Variants in TGM4 observed in about 807,000 individuals in gnomAD.
TGM4 encodes protein-glutamine gamma-glutamyltransferase 4.
TGM4 carries 61 observed loss-of-function variants against 76.3 expected under a neutral mutation model. That is an observed-to-expected ratio of 0.80 (90% confidence interval 0.65 to 0.99). The LOEUF is 0.99. Among genes scored for constraint, TGM4 ranks in the 50% least tolerant of loss-of-function variants. The probability of loss-of-function intolerance (pLI) is 0.00; values close to 1 mark genes in which losing one functional copy is unlikely to be tolerated. For synonymous variants in TGM4, 337 were observed against 329.8 expected (o/e 1.02, Z -0.24); for missense variants, 794 against 843.2 (o/e 0.94, Z 0.72).
In TGM4 at chr3:44,877,586, T is replaced by C. The variant is rs1341809170; in HGVS notation, c.19+2889T>C. Among the ~76,000 whole-genome samples the C allele has an allele frequency of 4.0e-5, 6 of 151,626 alleles. No individual in the cohort carries two copies. The East Asian group carries it at 1.2e-3, about 29-fold the overall frequency. ...CAGCCTGGGTGACAGGCCAAGACTC[T>C]GTCTCTTAAAAAAAAAAAAGGTTAT... On this transcript the variant is annotated intron_variant, in intron 1 of 13. Transcript: ENST00000296125.
chr3:44,882,478 C>T (rs1699547558), intron 1 of TGM4, among the ~76,000 whole-genome samples: 1 of 152,302 alleles, frequency 6.6e-6, no homozygotes, highest in Non-Finnish European at 1.5e-5. Flanking sequence ...GATAGACATC[C>T]AAAATCAAAA....
intron 13 of TGM4, among the ~76,000 whole-genome samples, chr3:44,911,616 G>T (rs1700007097): frequency 1.3e-5 from 2 of 152,156 alleles, no homozygotes; most frequent in Non-Finnish European, 2.9e-5. Flanking sequence ...TAGTGGTTAA[G>T]TAATCTCATT....
rs569481258 is a variant in TGM4, at chr3:44,878,768, C to T, written c.19+4071C>T. On this transcript the variant is annotated intron_variant, in intron 1 of 13. Transcript: ENST00000296125. ...AAATGCTGGGATTACAGGCGTGAGC[C>T]GCTGCGCCTGGCCTCTTCTTTATCC... Among the ~76,000 whole-genome samples the T allele has an allele frequency of 1.5e-3, 223 of 152,134 alleles. 1 individual carries two copies. Among genetic ancestry groups the T allele is most frequent in the African/African-American group, 4.9e-3 (203 of 41,496 alleles).
intron 13 of TGM4, among the ~76,000 whole-genome samples, chr3:44,912,278 T>C (rs1304851163): frequency 1.3e-5 from 2 of 152,272 alleles, no homozygotes; most frequent in African/African-American, 2.4e-5. Context: ...TTATGCTTTT[T>C]CTAGAATTTC....
chr3:44,880,173 G>A (rs1699513227), intron 1 of TGM4, among the ~76,000 whole-genome samples: 2 of 152,220 alleles, frequency 1.3e-5, no homozygotes, highest in Non-Finnish European at 2.9e-5. Context: ...GGTTTCTGCT[G>A]AAATAGTGTA....
At position 44,885,413 on chromosome 3, in the gene TGM4, C is replaced by G. The variant is rs201384600; in HGVS notation, c.108C>G (p.Phe36Leu). ...TWEFQTSSPV[F>L]RRGQVFHLRL... The stretch of plus-strand genomic sequence containing the variant: ...AGTTCCAAACGAGCAGTCCTGTGTT[C>G]CGGCGAGGACAGGTGTTTCACCTGC... The change falls in exon 2 of 14, where the codon TTC becomes TTG. Residue 36 changes from phenylalanine to leucine, a missense_variant. Phe to Leu is a conservative substitution (Grantham distance 22). Transcript: ENST00000296125. The G allele has an allele frequency of 1.8e-4, 298 of 1,613,900 alleles. 1 individual carries two copies. Among genetic ancestry groups the G allele is most frequent in the South Asian group, 6.0e-4 (55 of 91,062 alleles).
intron 7 of TGM4, 25 bp from the exon 8 acceptor site, chr3:44,901,768 A>G (rs1575723633): frequency 1.9e-6 from 3 of 1,613,336 alleles, no homozygotes; most frequent in East Asian, 2.2e-5. Flanking sequence ...ACAGTTGCCA[A>G]CCACCCCACC....
chr3:44,890,539 C>T (rs1437783214), intron 3 of TGM4, 64 bp from the exon 4 acceptor site: 5 of 1,584,646 alleles, frequency 3.2e-6, no homozygotes, highest in Middle Eastern at 1.9e-4. Context: ...TTCTGGGAAG[C>T]ATTTGTAAGA....
chr3:44,903,883 G>A lies in TGM4; in HGVS notation c.972-1G>A. ...TGGGGCCCGTTCCCAATTTGCGGCA[G>A]GAATTTCCATGTGTGGACGGATGCC... On this transcript the variant is annotated splice_acceptor_variant, in intron 8 of 13. Coordinates refer to ENST00000296125, the MANE Select transcript of TGM4 (RefSeq NM_003241.4). LOFTEE classifies it high-confidence loss of function. 1 of 1,614,214 alleles carries A rather than the reference G, an allele frequency of 6.2e-7. No homozygotes were observed. Among genetic ancestry groups the A allele is most frequent in the South Asian group, 1.1e-5 (1 of 91,086 alleles).
chr3:44,911,951 C>A (rs936623184), intron 13 of TGM4, among the ~76,000 whole-genome samples: 1 of 152,220 alleles, frequency 6.6e-6, no homozygotes, highest in African/African-American at 2.4e-5. Flanking sequence ...CTGCCTTGGC[C>A]TCCTGAGTAG....
Position 44,911,263 on chromosome 3 carries a change from A to G in TGM4, c.1777-7A>G, listed in dbSNP as rs112511240. The G allele has an allele frequency of 6.2e-6, 10 of 1,614,010 alleles. No individual in the cohort carries two copies. The highest frequency in any genetic ancestry group is 5.3e-5 in the African/African-American group (4 of 74,984). ...TCTCCCCATCTCTCCTCCCCACCCT[A>G]CTACAGTTGCCTAACACAGGCAGAA... On this transcript the variant is annotated splice_polypyrimidine_tract_variant and splice_region_variant and intron_variant, in intron 12 of 13. Coordinates refer to ENST00000296125, the MANE Select transcript of TGM4 (RefSeq NM_003241.4).
At chr3:44,895,595 A>T (rs916638941) in intron 5 of TGM4, among the ~76,000 whole-genome samples, 3 of 152,218 alleles carry the variant, frequency 2.0e-5, no homozygotes, top group African/African-American at 7.2e-5. Flanking sequence ...GGCTTCAGTG[A>T]GCAGTGATTG....
intron 3 of TGM4, chr3:44,888,709 G>A (rs1699646428): frequency 6.6e-6 from 1 of 152,028 alleles, no homozygotes; most frequent in Non-Finnish European, 1.5e-5. Context: ...AATCTTAATG[G>A]TTTGCACAAT....
At position 44,896,785 on chromosome 3, in the gene TGM4, C is replaced by A; in HGVS notation, c.626C>A (p.Pro209His). 6.2e-7 allele frequency: 1 copy of A among 1,614,158 alleles called. No homozygotes were observed. The highest frequency in any genetic ancestry group is 1.7e-5 in the Admixed American group (1 of 60,020). The change falls in exon 6 of 14, where the codon CCC becomes CAC. Residue 209 changes from proline (P) to histidine (H), a missense_variant. Transcript: ENST00000296125. ...CTCAAGCCCACAGATAGGAGGGACC[C>A]CGTGCTGGTGTGCAGGGCCATGTGT... The part of the protein sequence containing the change: ...SSLKPTDRRD[P>H]VLVCRAMCAM...
intron 6 of TGM4, 103 bp from the exon 7 acceptor site, chr3:44,901,421 C>T: frequency 6.7e-6 from 9 of 1,351,758 alleles, no homozygotes; most frequent in Non-Finnish European, 9.0e-6. Context: ...TACTCTGAGA[C>T]ATTATGAGGT....
At chr3:44,887,599 A>C (rs1426738848) in intron 2 of TGM4, 90 bp from the exon 3 acceptor site, 25 of 1,182,840 alleles carry the variant, frequency 2.1e-5, no homozygotes, top group Non-Finnish European at 2.9e-5. Context: ...TGGGGGCTCC[A>C]TGAGTGGGCA....
chr3:44,877,917 G>A (rs77773073), intron 1 of TGM4, among the ~76,000 whole-genome samples: 21,422 of 152,096 alleles, frequency 0.14, 1,589 homozygotes, highest in Admixed American at 0.2. Flanking sequence ...GTCCATCCAG[G>A]GGGATAATAG....
chr3:44,905,839 C>CCT (rs11369371), intron 9 of TGM4, among the ~76,000 whole-genome samples: 1 of 151,740 alleles, frequency 6.6e-6, no homozygotes, highest in Non-Finnish European at 1.5e-5. Flanking sequence ...CACACCCCCG[C>CCT]ATACTCTGCA....
intron 6 of TGM4, chr3:44,899,059 C>A (rs1026204746): frequency 6.6e-6 from 1 of 152,246 alleles, no homozygotes; most frequent in African/African-American, 2.4e-5. Context: ...AGATTCTAAA[C>A]CTCTTTGGGC....
Sources: gnomAD v4.1 joint callset for allele counts (sites outside exome capture counted in the v4.1 genomes callset) on GRCh38, gnomAD v4.1.1 for gene constraint, MANE v1.5 for transcripts, NCBI Gene and HGNC (gene_info 2026-07-23, HGNC 2026-07-21) for gene names.